The following LRRC4C variants were observed in gnomAD, a reference collection of about 807,000 sequenced individuals.
LRRC4C encodes leucine-rich repeat-containing protein 4C.
In LRRC4C, 5 loss-of-function variants were observed where a neutral mutation model predicts 33.6. The observed-to-expected ratio is 0.15, with a 90% CI of 0.08 to 0.31. LRRC4C has a LOEUF of 0.31. Ranked by LOEUF, LRRC4C falls within the 10% of genes least tolerant of loss-of-function variation. The pLI, the probability that LRRC4C is intolerant of heterozygous loss-of-function variation, is 1.00. For synonymous variants in LRRC4C, 329 were observed against 302.0 expected, an observed-to-expected ratio of 1.09 and a Z score of -0.93; for missense variants, 560 against 796.7, an observed-to-expected ratio of 0.70 and a Z score of 3.58.
chr11:40,322,542 G>A lies in LRRC4C; in HGVS notation c.-269-2821C>T, dbSNP rs79819055. On this transcript the variant is annotated intron_variant, in intron 3 of 6. Transcript: ENST00000528697. ...ATTACAGGTGTGAAACACTGCACCC[G>A]GCCAAGAAATTCACATCTCTAGGCT... Among the ~76,000 whole-genome samples the A allele has an allele frequency of 9.8e-4, 149 of 152,204 alleles. 1 individual carries two copies. The highest frequency in any genetic ancestry group is 3.3e-3 in the African/African-American group (136 of 41,526).
intron 1 of LRRC4C, among the ~76,000 whole-genome samples, chr11:41,037,532 T>C (rs1168754480): frequency 1.3e-5 from 2 of 151,486 alleles, no homozygotes; most frequent in Non-Finnish European, 2.9e-5. Flanking sequence ...TTTTTGGCCA[T>C]CTAGCATACA....
intron 2 of LRRC4C, among the ~76,000 whole-genome samples, chr11:40,847,781 CTTTTT>C (rs34141578): frequency 5.5e-5 from 6 of 109,676 alleles, no homozygotes; most frequent in African/African-American, 6.6e-5. Flanking sequence ...TGGTCCTGGG[CTTTTT>C]TTTTTTTTTT....
At chr11:40,975,739 C>A (rs1308927047) in intron 1 of LRRC4C, among the ~76,000 whole-genome samples, 1 of 152,128 alleles carries the variant, frequency 6.6e-6, no homozygotes, top group African/African-American at 2.4e-5. Context: ...ACTTATGAGC[C>A]AACTGAGAAG....
intron 4 of LRRC4C, among the ~76,000 whole-genome samples, chr11:40,304,825 G>A (rs1302709587): frequency 6.6e-6 from 1 of 151,264 alleles, no homozygotes. Context: ...TCTGCCTCTT[G>A]GGTTCAAGCA....
intron 3 of LRRC4C, among the ~76,000 whole-genome samples, chr11:40,334,960 TC>T (rs1227927184): frequency 6.6e-6 from 1 of 152,216 alleles, no homozygotes; most frequent in East Asian, 1.9e-4. Flanking sequence ...AAACTTTTGT[TC>T]AGTTAATTAA....
intron 2 of LRRC4C, among the ~76,000 whole-genome samples, chr11:40,714,285 T>C (rs1946605821): frequency 6.6e-6 from 1 of 152,154 alleles, no homozygotes; most frequent in African/African-American, 2.4e-5. Context: ...AAAGTAAACG[T>C]TTATTATTAT....
chr11:40,389,367 C>T (rs1409825670), intron 3 of LRRC4C, among the ~76,000 whole-genome samples: 3 of 151,960 alleles, frequency 2.0e-5, no homozygotes, highest in Admixed American at 2.0e-4. Context: ...TTCAGGTACA[C>T]GGCGTGGGTT....
At chr11:41,368,685 AC>A (rs1253930345) in intron 1 of LRRC4C, among the ~76,000 whole-genome samples, 3 of 152,218 alleles carry the variant, frequency 2.0e-5, no homozygotes, top group African/African-American at 2.4e-5. Context: ...AAGGGCATAG[AC>A]AGTTCATTCA....
At chr11:40,341,025 C>T (rs931243038) in intron 3 of LRRC4C, among the ~76,000 whole-genome samples, 1 of 152,140 alleles carries the variant, frequency 6.6e-6, no homozygotes, top group Non-Finnish European at 1.5e-5. Flanking sequence ...AAATCTTGGA[C>T]TTGCCAAGGC....
At chr11:40,863,945 T>C (rs1374358805) in intron 2 of LRRC4C, among the ~76,000 whole-genome samples, 4 of 152,206 alleles carry the variant, frequency 2.6e-5, no homozygotes, top group African/African-American at 9.6e-5. Context: ...TCTCCTTTTT[T>C]CATCAAAAAA....
chr11:40,619,198 A>G (rs1194925305), intron 3 of LRRC4C, among the ~76,000 whole-genome samples: 2 of 151,778 alleles, frequency 1.3e-5, no homozygotes, highest in African/African-American at 4.8e-5. Flanking sequence ...ATAAAGAATG[A>G]ATAAGACCTA....
At chr11:40,596,543 T>A (rs554535202) in intron 3 of LRRC4C, among the ~76,000 whole-genome samples, 1 of 152,232 alleles carries the variant, frequency 6.6e-6, no homozygotes, top group African/African-American at 2.4e-5. Context: ...AAATACTAGA[T>A]CTTATTAATT....
chr11:41,442,517 T>G (rs1263825775), intron 1 of LRRC4C, among the ~76,000 whole-genome samples: 3 of 129,558 alleles, frequency 2.3e-5, no homozygotes, highest in South Asian at 2.6e-4. Flanking sequence ...TCGCCCAGGC[T>G]GGAGTGCAGT....
intron 5 of LRRC4C, among the ~76,000 whole-genome samples, chr11:40,184,225 A>G (rs1222944009): frequency 6.6e-6 from 1 of 152,186 alleles, no homozygotes; most frequent in Admixed American, 6.5e-5. Flanking sequence ...GTGTATGTAG[A>G]GTATTCAAAT....
chr11:41,456,843 A>G (rs913346861), intron 1 of LRRC4C, among the ~76,000 whole-genome samples: 1 of 152,160 alleles, frequency 6.6e-6, no homozygotes, highest in Non-Finnish European at 1.5e-5. Flanking sequence ...TTCTGATCAA[A>G]AGCTGTTTAT....
At chr11:41,164,327 T>C (rs1333516635) in intron 1 of LRRC4C, among the ~76,000 whole-genome samples, 1 of 152,080 alleles carries the variant, frequency 6.6e-6, no homozygotes, top group East Asian at 1.9e-4. Flanking sequence ...AGAAAGTCTT[T>C]AGGAACAATA....
chr11:40,483,181 G>T (rs1412107705), intron 3 of LRRC4C, among the ~76,000 whole-genome samples: 1 of 152,196 alleles, frequency 6.6e-6, no homozygotes, highest in Non-Finnish European at 1.5e-5. Context: ...AAAGCTGAGA[G>T]AAAATCTCGA....
chr11:40,322,862 A>G (rs1490393062), intron 3 of LRRC4C, among the ~76,000 whole-genome samples: 1 of 152,146 alleles, frequency 6.6e-6, no homozygotes, highest in Non-Finnish European at 1.5e-5. Context: ...CATCCTCATC[A>G]TCATAATTTA....
At chr11:41,077,463 C>T (rs190009269) in intron 1 of LRRC4C, among the ~76,000 whole-genome samples, 103 of 152,324 alleles carry the variant, frequency 6.8e-4, no homozygotes, top group African/African-American at 2.4e-3. Context: ...CACATGGAAG[C>T]TGTCAAGGCT....
Sources: gnomAD v4.1 joint callset for allele counts (sites outside exome capture counted in the v4.1 genomes callset) on GRCh38, gnomAD v4.1.1 for gene constraint, MANE v1.5 for transcripts, NCBI Gene and HGNC (gene_info 2026-07-23, HGNC 2026-07-21) for gene names.